SLC8A1: variants seen among roughly 807,000 people sequenced by gnomAD.
SLC8A1 encodes the protein sodium/calcium exchanger 1.
A neutral mutation model predicts 68.3 loss-of-function variants in SLC8A1; 18 were observed. That is an observed-to-expected ratio of 0.26 (90% CI 0.18 to 0.39). SLC8A1 has a LOEUF of 0.39. Ranked by LOEUF, SLC8A1 falls within the 10% of genes least tolerant of loss-of-function variation. The pLI is 1.00. For missense variants in SLC8A1, 985 were observed against 1,156.7 expected (o/e 0.85, Z 2.15); for synonymous variants, 475 against 415.5 (o/e 1.14, Z -1.74).
intron 2 of SLC8A1, among the ~76,000 whole-genome samples, chr2:40,309,611 T>C (rs2073313807): frequency 6.6e-6 from 1 of 150,830 alleles, no homozygotes; most frequent in Admixed American, 6.7e-5. Context: ...GTTCAAGAGA[T>C]TCTCCTGCCT....
At chr2:40,122,223 C>T (rs560022150) in intron 7 of SLC8A1, among the ~76,000 whole-genome samples, 2 of 144,308 alleles carry the variant, frequency 1.4e-5, no homozygotes, top group Admixed American at 1.4e-4. Context: ...CACACACACA[C>T]ACGTGTGCGC....
intron 6 of SLC8A1, among the ~76,000 whole-genome samples, chr2:40,153,561 A>C (rs570772654): frequency 5.6e-4 from 85 of 152,348 alleles, no homozygotes; most frequent in South Asian, 1.9e-3. Context: ...TGTTGGTTTC[A>C]AATAACTACT....
chr2:40,203,863 C>T (rs1193308726), intron 2 of SLC8A1, among the ~76,000 whole-genome samples: 1 of 151,824 alleles, frequency 6.6e-6, no homozygotes, highest in Non-Finnish European at 1.5e-5. Context: ...AACTACCACA[C>T]CTGGCTAATT....
chr2:40,430,825 C>T (rs1698117556), intron 1 of SLC8A1, among the ~76,000 whole-genome samples: 1 of 152,082 alleles, frequency 6.6e-6, no homozygotes, highest in Non-Finnish European at 1.5e-5. Flanking sequence ...AAAATCCCAC[C>T]AACACAAGGC....
At chr2:40,466,023 A>T (rs538026064) in intron 1 of SLC8A1, among the ~76,000 whole-genome samples, 4 of 152,266 alleles carry the variant, frequency 2.6e-5, no homozygotes, top group African/African-American at 9.6e-5. Context: ...CCCTGACAAG[A>T]TGCCAGCACC....
chr2:40,171,342 G>A (rs947299769), intron 4 of SLC8A1, among the ~76,000 whole-genome samples: 1 of 152,202 alleles, frequency 6.6e-6, no homozygotes, highest in African/African-American at 2.4e-5. Flanking sequence ...AGGATTAGAG[G>A]AGTAATATTA....
At chr2:40,418,483 T>A (rs1694529875) in intron 2 of SLC8A1, among the ~76,000 whole-genome samples, 1 of 152,174 alleles carries the variant, frequency 6.6e-6, no homozygotes, top group Non-Finnish European at 1.5e-5. Context: ...TGTCAGGATA[T>A]TCTGAGGTAC....
At chr2:40,131,714 C>T (rs1052741168) in intron 7 of SLC8A1, among the ~76,000 whole-genome samples, 1 of 152,186 alleles carries the variant, frequency 6.6e-6, no homozygotes, top group African/African-American at 2.4e-5. Flanking sequence ...CCTCAACATG[C>T]CCTTCCTGGG....
At chr2:40,333,787 C>T (rs973608283) in intron 2 of SLC8A1, among the ~76,000 whole-genome samples, 8 of 152,122 alleles carry the variant, frequency 5.3e-5, no homozygotes, top group Non-Finnish European at 8.8e-5. Context: ...CAGTAGCTCA[C>T]GCCAGTAATC....
At chr2:40,387,936 C>CAAAAAAAAA (rs57394425) in intron 2 of SLC8A1, among the ~76,000 whole-genome samples, 3 of 90,942 alleles carry the variant, frequency 3.3e-5, no homozygotes, top group Non-Finnish European at 6.2e-5. Context: ...GAGACTGCCT[C>CAAAAAAAAA]AAAAAAAAAA....
At chr2:40,454,480 C>CTT (rs543088073), upstream of SLC8A1, among the ~76,000 whole-genome samples, 2,166 of 119,436 alleles carry the variant, frequency 0.018, 65 homozygotes, top group African/African-American at 0.062. Context: ...TGTCTTAAGA[C>CTT]TTTTTTTTTT....
chr2:40,290,741 A>C (rs1171445782), intron 2 of SLC8A1, among the ~76,000 whole-genome samples: 1 of 152,178 alleles, frequency 6.6e-6, no homozygotes. Flanking sequence ...CTACAGCTAT[A>C]ATAATGAGTA....
intron 2 of SLC8A1, among the ~76,000 whole-genome samples, chr2:40,279,118 A>G (rs1559071548): frequency 6.6e-6 from 1 of 152,168 alleles, no homozygotes; most frequent in Non-Finnish European, 1.5e-5. Context: ...TGTGTGGTCC[A>G]TAGCTATTTA....
intron 2 of SLC8A1, among the ~76,000 whole-genome samples, chr2:40,248,387 T>G (rs1003912825): frequency 6.6e-6 from 1 of 152,094 alleles, no homozygotes; most frequent in African/African-American, 2.4e-5. Context: ...GTGAGGTTAG[T>G]GCCCTTATAA....
chr2:40,164,392 G>A (rs2046204279), intron 5 of SLC8A1, among the ~76,000 whole-genome samples: 1 of 152,142 alleles, frequency 6.6e-6, no homozygotes, highest in Non-Finnish European at 1.5e-5. Context: ...ATATAAATGA[G>A]AGCTTGTCAA....
rs540457802 is a variant in SLC8A1 at position 40,323,401 on chromosome 2, C to A, written c.1808+105072G>T. ...GTCATGTCTGAATCTCAAATTATTTCTTCACCTGGTTTTTAAAAAAGGTCA... is the reference window on the plus strand; with the variant it reads ...GTCATGTCTGAATCTCAAATTATTTATTCACCTGGTTTTTAAAAAAGGTCA... On this transcript the variant is annotated intron_variant, in intron 2 of 7. Transcript: ENST00000406785. Among the ~76,000 whole-genome samples the A allele has an allele frequency of 2.6e-5, 4 of 152,260 alleles. No individual in the cohort carries two copies. In the South Asian group the frequency reaches 8.3e-4, roughly 32 times the overall value.
At chr2:40,345,776 T>C (rs533236764) in intron 2 of SLC8A1, among the ~76,000 whole-genome samples, 1 of 152,080 alleles carries the variant, frequency 6.6e-6, no homozygotes, top group Non-Finnish European at 1.5e-5. Context: ...TTCTCAGTCA[T>C]AAGTGGGAGT....
chr2:40,217,846 C>T (rs1175528904), intron 2 of SLC8A1, among the ~76,000 whole-genome samples: 1 of 152,148 alleles, frequency 6.6e-6, no homozygotes, highest in Non-Finnish European at 1.5e-5. Context: ...TGCATGGCAA[C>T]AGAACTAGGG....
intron 2 of SLC8A1, among the ~76,000 whole-genome samples, chr2:40,427,156 T>C (rs1399061736): frequency 6.6e-6 from 1 of 152,102 alleles, no homozygotes; most frequent in South Asian, 2.1e-4. Context: ...CTTGATTTCA[T>C]TGTGATATTG....
Sources: allele counts gnomAD v4.1 joint callset (sites outside exome capture counted in the v4.1 genomes callset), GRCh38; gene constraint gnomAD v4.1.1; transcripts MANE v1.5; gene names NCBI Gene and HGNC (gene_info 2026-07-23, HGNC 2026-07-21).